Variants in ACVR2A observed in about 807,000 individuals in gnomAD.
ACVR2A encodes activin receptor type-2A.
In ACVR2A, 7 loss-of-function variants were observed where a neutral mutation model predicts 61.4. The ratio of observed to expected loss-of-function variants is 0.11; its 90% CI spans 0.06 to 0.21. The LOEUF (loss-of-function observed/expected upper bound fraction) is 0.21. ACVR2A is among the 10% of genes least tolerant of loss of function. The pLI is 1.00. For synonymous variants in ACVR2A, 193 were observed against 208.3 expected (o/e 0.93, Z 0.63); for missense variants, 322 against 621.7 (o/e 0.52, Z 5.13).
chr2:147,871,098 T>A (rs1686002049), intron 1 of ACVR2A, among the ~76,000 whole-genome samples: 1 of 152,118 alleles, frequency 6.6e-6, no homozygotes, highest in Non-Finnish European at 1.5e-5. Context: ...ATGTTTTGCA[T>A]ATACTGAGCA....
chr2:147,922,539 G>A (rs1687407197), intron 8 of ACVR2A, among the ~76,000 whole-genome samples: 1 of 152,000 alleles, frequency 6.6e-6, no homozygotes, highest in Non-Finnish European at 1.5e-5. Flanking sequence ...CAAATACATA[G>A]ATTTTGTACA....
intron 1 of ACVR2A, among the ~76,000 whole-genome samples, chr2:147,894,957 A>T (rs1011713156): frequency 6.6e-6 from 1 of 152,152 alleles, no homozygotes; most frequent in Non-Finnish European, 1.5e-5. Flanking sequence ...GATTTTTTTC[A>T]ATAAGTATGT....
intron 1 of ACVR2A, among the ~76,000 whole-genome samples, chr2:147,894,739 G>T (rs974709900): frequency 3.3e-5 from 5 of 151,872 alleles, no homozygotes; most frequent in Non-Finnish European, 2.9e-5. Context: ...TTTTATCATT[G>T]GAAACGCATA....
chr2:147,864,759 A>C (rs1685811277), intron 1 of ACVR2A, among the ~76,000 whole-genome samples: 1 of 152,208 alleles, frequency 6.6e-6, no homozygotes, highest in African/African-American at 2.4e-5. Flanking sequence ...TATAATTTCC[A>C]TTATAATTAA....
chr2:147,906,429 G>C (rs1686989423), intron 4 of ACVR2A, among the ~76,000 whole-genome samples: 1 of 152,114 alleles, frequency 6.6e-6, no homozygotes, highest in South Asian at 2.1e-4. Context: ...CAGGATGATT[G>C]TTTGACTGTA....
intron 4 of ACVR2A, among the ~76,000 whole-genome samples, chr2:147,900,996 A>G (rs2071199220): frequency 6.6e-6 from 1 of 152,096 alleles, no homozygotes; most frequent in South Asian, 2.1e-4. Context: ...GTATATAGAG[A>G]AATAAACCCA....
chr2:147,913,257 T>C (rs1046100016), intron 4 of ACVR2A, among the ~76,000 whole-genome samples: 1 of 151,840 alleles, frequency 6.6e-6, no homozygotes, highest in Non-Finnish European at 1.5e-5. Context: ...AGAGAATGGG[T>C]AATGTGTAGA....
chr2:147,892,620 A>G (rs149388881), intron 1 of ACVR2A, among the ~76,000 whole-genome samples: 488 of 151,954 alleles, frequency 3.2e-3, no homozygotes, highest in East Asian at 8.3e-3. Flanking sequence ...ACAAGTTTTT[A>G]TGAAAAATAT....
intron 1 of ACVR2A, among the ~76,000 whole-genome samples, chr2:147,895,924 G>A (rs909780248): frequency 6.6e-6 from 1 of 151,720 alleles, no homozygotes; most frequent in Non-Finnish European, 1.5e-5. Flanking sequence ...GAGTTGTTAG[G>A]GGTCAACTGT....
chr2:147,889,439 A>G (rs1189101860), intron 1 of ACVR2A, among the ~76,000 whole-genome samples: 11 of 151,984 alleles, frequency 7.2e-5, no homozygotes, highest in Non-Finnish European at 1.3e-4. Context: ...TGAGGTGAAA[A>G]TTTTCTCATA....
At chr2:147,905,633 T>C (rs1686971367) in intron 4 of ACVR2A, among the ~76,000 whole-genome samples, 1 of 152,064 alleles carries the variant, frequency 6.6e-6, no homozygotes, top group Non-Finnish European at 1.5e-5. Context: ...TTCTGTGTCC[T>C]ACCTTGGTGT....
chr2:147,873,607 T>C (rs1040350875), intron 1 of ACVR2A, among the ~76,000 whole-genome samples: 8 of 152,014 alleles, frequency 5.3e-5, no homozygotes, highest in African/African-American at 1.4e-4. Context: ...TATGAATCTC[T>C]AAGGTAGACC....
intron 1 of ACVR2A, among the ~76,000 whole-genome samples, chr2:147,859,158 T>A (rs1685660901): frequency 6.6e-6 from 1 of 152,202 alleles, no homozygotes; most frequent in South Asian, 2.1e-4. Context: ...AACTTTGTTT[T>A]ACCCCCAAGA....
chr2:147,882,240 A>G (rs1686320599), intron 1 of ACVR2A, among the ~76,000 whole-genome samples: 1 of 152,200 alleles, frequency 6.6e-6, no homozygotes, highest in Non-Finnish European at 1.5e-5. Flanking sequence ...GTAATTTGTC[A>G]GGAATTAACA....
chr2:147,848,164 T>C (rs902812522), intron 1 of ACVR2A, among the ~76,000 whole-genome samples: 1 of 152,218 alleles, frequency 6.6e-6, no homozygotes, highest in African/African-American at 2.4e-5. Context: ...TAACAAGTGA[T>C]GGATGATAAA....
chr2:147,892,032 T>C (rs558195474), intron 1 of ACVR2A, among the ~76,000 whole-genome samples: 2 of 151,894 alleles, frequency 1.3e-5, no homozygotes, highest in South Asian at 4.2e-4. Flanking sequence ...CGTGCAGTGG[T>C]ACGATCTCGG....
rs139625217 is a variant in ACVR2A, at chr2:147,880,726, T to C, written c.56-15575T>C. On this transcript the variant is annotated intron_variant, in intron 1 of 10. Transcript: ENST00000241416. The stretch of plus-strand genomic sequence containing the variant: ...ATTTCTCAAACTTTGGAATTACTTT[T>C]TTACTATTTCTGCTTAATACCTAGG... Among the ~76,000 whole-genome samples, 733 of 152,330 alleles carry C rather than the reference T, an allele frequency of 4.8e-3. 5 individuals are homozygous for C. Among genetic ancestry groups the C allele is most frequent in the African/African-American group, 0.016 (677 of 41,582 alleles).
chr2:147,859,599 C>T (rs767867382), intron 1 of ACVR2A, among the ~76,000 whole-genome samples: 5 of 151,876 alleles, frequency 3.3e-5, no homozygotes, highest in Admixed American at 6.6e-5. Flanking sequence ...TGTACTGGGT[C>T]ACAGTGAAAA....
chr2:147,867,784 G>A (rs920859319), intron 1 of ACVR2A, among the ~76,000 whole-genome samples: 16 of 151,958 alleles, frequency 1.1e-4, no homozygotes, highest in African/African-American at 3.6e-4. Flanking sequence ...AACAATACAC[G>A]CAGTACCCCC....
Sources: allele counts gnomAD v4.1 joint callset (sites outside exome capture counted in the v4.1 genomes callset), GRCh38; gene constraint gnomAD v4.1.1; transcripts MANE v1.5; gene names NCBI Gene and HGNC (gene_info 2026-07-23, HGNC 2026-07-21).